RPGRIP1L: variants seen among roughly 807,000 people sequenced by gnomAD.
RPGRIP1L encodes the protein RPGRIP1 like.
A neutral mutation model predicts 160.4 loss-of-function variants in RPGRIP1L; 131 were observed. The observed-to-expected ratio is 0.82, with a 90% CI of 0.71 to 0.94. RPGRIP1L has a LOEUF of 0.94. Ranked by LOEUF, RPGRIP1L falls within the 40% of genes least tolerant of loss-of-function variation. The pLI is 0.00. For synonymous variants in RPGRIP1L, 510 were observed against 515.8 expected, an observed-to-expected ratio of 0.99 and a Z score of 0.15; for missense variants, 1,522 against 1,535.8, an observed-to-expected ratio of 0.99 and a Z score of 0.15.
intron 26 of RPGRIP1L, among the ~76,000 whole-genome samples, chr16:53,602,938 A>G (rs1963459996): frequency 6.6e-6 from 1 of 152,256 alleles, no homozygotes; most frequent in South Asian, 2.1e-4. Flanking sequence ...CATTTAAAAT[A>G]GATTTTATGT....
At chr16:53,681,896 A>C (rs1969638825) in intron 6 of RPGRIP1L, among the ~76,000 whole-genome samples, 1 of 152,222 alleles carries the variant, frequency 6.6e-6, no homozygotes, top group Non-Finnish European at 1.5e-5. Context: ...CTAGAATTTC[A>C]AATCTGAAAT....
rs765898122 is a variant in RPGRIP1L at position 53,602,171 on chromosome 16, C to T, written c.3853G>A (p.Asp1285Asn). ...CTGAGCTTGCCAATACCTTCACCAT[C>T]TGCTCGTGCATCAAAAACTAGGGAG... is the stretch of plus-strand genomic sequence containing the variant. The part of the protein sequence containing the change: ...QNIDVFDARA[D>N]GEGIGKLRVT... The change falls in exon 27 of 27, where the codon GAT becomes AAT. Residue 1285 changes from aspartate to asparagine, a missense_variant. Asp to Asn is a conservative substitution (Grantham distance 23). Transcript: ENST00000647211. 1.9e-6 allele frequency: 3 copies of T among 1,612,984 alleles called. No individual in the cohort carries two copies. The highest frequency in any genetic ancestry group is 2.2e-5 in the South Asian group (2 of 91,038).
intron 2 of RPGRIP1L, among the ~76,000 whole-genome samples, chr16:53,698,778 C>T (rs1971110894): frequency 6.7e-6 from 1 of 150,122 alleles, no homozygotes; most frequent in Non-Finnish European, 1.5e-5. Flanking sequence ...GGGGGTCAGC[C>T]CCCCACCCGG....
At chr16:53,606,528 C>T (rs1376330641) in intron 25 of RPGRIP1L, among the ~76,000 whole-genome samples, 1 of 152,150 alleles carries the variant, frequency 6.6e-6, no homozygotes, top group Non-Finnish European at 1.5e-5. Context: ...CATGACAATA[C>T]ATTTAACCAA....
chr16:53,681,960 C>T (rs992082233), intron 6 of RPGRIP1L, among the ~76,000 whole-genome samples: 2 of 152,092 alleles, frequency 1.3e-5, no homozygotes, highest in Admixed American at 6.5e-5. Flanking sequence ...TGATTTTTCT[C>T]TACAGTAAAT....
At chr16:53,647,352 C>A (rs574725061) in intron 16 of RPGRIP1L, among the ~76,000 whole-genome samples, 2 of 152,146 alleles carry the variant, frequency 1.3e-5, no homozygotes, top group African/African-American at 4.8e-5. Flanking sequence ...TATGGCTGGA[C>A]CTTCGGAAGG....
intron 22 of RPGRIP1L, among the ~76,000 whole-genome samples, chr16:53,625,256 G>C (rs548289171): frequency 1.3e-5 from 2 of 148,922 alleles, no homozygotes; most frequent in Non-Finnish European, 1.5e-5. Flanking sequence ...CCCTCTGCCC[G>C]GCAGCCCAGT....
chr16:53,682,422 A>G (rs909125351), intron 6 of RPGRIP1L, among the ~76,000 whole-genome samples: 1 of 152,176 alleles, frequency 6.6e-6, no homozygotes, highest in African/African-American at 2.4e-5. Context: ...GTAGGAAAGT[A>G]TGTACCCTTG....
At chr16:53,702,928 T>C (rs76764809) in intron 1 of RPGRIP1L, among the ~76,000 whole-genome samples, 12,596 of 152,272 alleles carry the variant, frequency 0.083, 719 homozygotes, top group Middle Eastern at 0.18. Flanking sequence ...TGTTCACAAC[T>C]GTTCAGGAAC....
chr16:53,604,927 G>A (rs1019242739), intron 26 of RPGRIP1L, among the ~76,000 whole-genome samples: 3 of 151,960 alleles, frequency 2.0e-5, no homozygotes, highest in Admixed American at 6.6e-5. Flanking sequence ...CCTGTAGTCC[G>A]GGCATTTTGG....
At chr16:53,698,361 G>T (rs1971023566) in intron 2 of RPGRIP1L, among the ~76,000 whole-genome samples, 1 of 142,100 alleles carries the variant, frequency 7.0e-6, no homozygotes, top group African/African-American at 2.8e-5. Flanking sequence ...CGTCCGGGAG[G>T]GAGGTGGGGG....
At chr16:53,656,146 T>C (rs922259795) in intron 14 of RPGRIP1L, among the ~76,000 whole-genome samples, 1 of 152,110 alleles carries the variant, frequency 6.6e-6, no homozygotes, top group African/African-American at 2.4e-5. Context: ...CAGTAGGGAA[T>C]TACTAAAAAT....
chr16:53,661,728 G>A (rs772597159), intron 10 of RPGRIP1L, among the ~76,000 whole-genome samples: 1 of 152,074 alleles, frequency 6.6e-6, no homozygotes, highest in Non-Finnish European at 1.5e-5. Flanking sequence ...GTTCCTATAT[G>A]TTATTAGGTA....
At chr16:53,674,354 AG>A (rs922867208) in intron 7 of RPGRIP1L, among the ~76,000 whole-genome samples, 32 of 152,200 alleles carry the variant, frequency 2.1e-4, no homozygotes, top group African/African-American at 7.7e-4. Flanking sequence ...CATTAATTCC[AG>A]AACCTATGTT....
chr16:53,631,933 T>G (rs1965546253), intron 22 of RPGRIP1L, among the ~76,000 whole-genome samples: 1 of 152,224 alleles, frequency 6.6e-6, no homozygotes, highest in Non-Finnish European at 1.5e-5. Context: ...CTAAACTTTA[T>G]GTAGCCTGTT....
At position 53,599,018 on chromosome 16, in the gene RPGRIP1L, T is replaced by A. The variant is rs1818681862; in HGVS notation, c.*3058A>T. ...AAAAAATTTTCCATATCCACAAAAA[T>A]GTTAATCAGATTCTTGTTAGAACAT... On this transcript the variant is annotated 3_prime_UTR_variant, in exon 27 of 27. Coordinates refer to ENST00000647211, the MANE Select transcript of RPGRIP1L (RefSeq NM_015272.5). The A allele has an allele frequency of 6.6e-6, 1 of 152,172 alleles. No homozygotes were observed. The highest frequency in any genetic ancestry group is 6.5e-5 in the Admixed American group (1 of 15,276). 9.4% of individuals were successfully genotyped at this position (152,172 alleles called of 1,614,324 possible). A position where few individuals can be genotyped will look rare whatever the true frequency, so the allele number is the denominator to read the frequency against.
Position 53,700,670 on chromosome 16 carries a change from A to ATTTG in RPGRIP1L, c.53_54insCAAA (p.Leu19LysfsTer31). 1 of 1,613,570 alleles carries ATTTG rather than the reference A, an allele frequency of 6.2e-7. No homozygotes were observed. Among genetic ancestry groups the ATTTG allele is most frequent in the South Asian group, 1.1e-5 (1 of 90,902 alleles). ...ACCCTCCCATTCCAAAGAGGTTTAG[A>ATTTG]CCTGTATCTTTCACAGGCAAGTCTC... On this transcript the variant is annotated frameshift_variant, in exon 2 of 27. Coordinates refer to ENST00000647211, the MANE Select transcript of RPGRIP1L (RefSeq NM_015272.5). LOFTEE classifies it high-confidence loss of function.
intron 6 of RPGRIP1L, among the ~76,000 whole-genome samples, chr16:53,684,580 C>T (rs1257335244): frequency 2.0e-5 from 3 of 151,552 alleles, no homozygotes; most frequent in Non-Finnish European, 4.4e-5. Flanking sequence ...ACATGACACA[C>T]CAGGGACTGT....
intron 17 of RPGRIP1L, among the ~76,000 whole-genome samples, chr16:53,643,845 T>C (rs1254674133): frequency 1.3e-5 from 2 of 151,928 alleles, no homozygotes; most frequent in East Asian, 1.9e-4. Context: ...TGCAAAGAAA[T>C]AGGAAAATGT....
Sources: allele counts gnomAD v4.1 joint callset (sites outside exome capture counted in the v4.1 genomes callset), GRCh38; gene constraint gnomAD v4.1.1; transcripts MANE v1.5; gene names NCBI Gene and HGNC (gene_info 2026-07-23, HGNC 2026-07-21).